STRADA: variants seen among roughly 807,000 people sequenced by gnomAD.
STRADA encodes STE20 related adaptor alpha.
Under a neutral mutation model 55.0 loss-of-function variants are expected in STRADA, and 26 were observed. That is an observed-to-expected ratio of 0.47 (90% CI 0.35 to 0.66). The LOEUF (loss-of-function observed/expected upper bound fraction) is 0.66. STRADA is among the 30% of genes least tolerant of loss of function. The pLI, the probability that STRADA is intolerant of heterozygous loss-of-function variation, is 0.01. For missense variants in STRADA, 443 were observed against 549.7 expected (o/e 0.81, Z 1.94); for synonymous variants, 197 against 210.9 (o/e 0.93, Z 0.57).
intron 1 of STRADA, among the ~76,000 whole-genome samples, chr17:63,739,707 CATAT>C (rs1175744955): frequency 3.4e-5 from 5 of 146,584 alleles, no homozygotes; most frequent in Admixed American, 6.8e-5. Context: ...AATATGTATA[CATAT>C]ATAATTTTAT....
At chr17:63,738,410 G>A (rs570469412) in intron 1 of STRADA, among the ~76,000 whole-genome samples, 3 of 152,058 alleles carry the variant, frequency 2.0e-5, no homozygotes, top group Non-Finnish European at 4.4e-5. Flanking sequence ...CAGTGAGGAG[G>A]GGGTGGTGTG....
intron 1 of STRADA, among the ~76,000 whole-genome samples, chr17:63,740,138 A>ACC (rs1372035210): frequency 2.5e-5 from 1 of 40,106 alleles, no homozygotes; most frequent in Admixed American, 3.2e-4. Flanking sequence ...ACACATACAT[A>ACC]TATATATATA....
rs1342597149 is a variant in STRADA at position 63,703,725 on chromosome 17, C to T, written c.1170G>A (p.Leu390=). 3.1e-6 allele frequency: 5 copies of T among 1,614,028 alleles called. No individual in the cohort carries two copies. Among genetic ancestry groups the T allele is most frequent in the African/African-American group, 2.7e-5 (2 of 74,924 alleles). ...KQIKRRASEA[L]PELLRPVTPI... ...GGGTGACAGGACGAAGCAATTCGGGCAAAGCCTCTGAGGCACGTCGCTTGA... is the reference window on the plus strand; with the variant it reads ...GGGTGACAGGACGAAGCAATTCGGGTAAAGCCTCTGAGGCACGTCGCTTGA... The change falls in exon 13 of 13, where the codon TTG becomes TTA. Residue 390 remains leucine, a synonymous_variant. Coordinates refer to ENST00000336174, the MANE Select transcript of STRADA (RefSeq NM_001003787.4).
intron 4 of STRADA, among the ~76,000 whole-genome samples, chr17:63,722,426 G>C (rs975472889): frequency 1.3e-5 from 2 of 152,152 alleles, no homozygotes; most frequent in Admixed American, 1.3e-4. Flanking sequence ...TATGTAATTG[G>C]CATCGTATTC....
At chr17:63,727,696 C>A (rs1455088406) in intron 2 of STRADA, 1 of 152,008 alleles carries the variant, frequency 6.6e-6, no homozygotes, top group Non-Finnish European at 1.5e-5. Context: ...ATAAATTATG[C>A]TTTAATATGT....
intron 8 of STRADA, 131 bp from the exon 9 acceptor site, chr17:63,707,549 A>G (rs752300216): frequency 1.6e-4 from 123 of 793,520 alleles, no homozygotes; most frequent in Non-Finnish European, 1.6e-4. Flanking sequence ...TGTATTTTAC[A>G]TATACATAAC....
intron 1 of STRADA, among the ~76,000 whole-genome samples, chr17:63,738,397 A>G (rs1442714902): frequency 6.6e-6 from 1 of 151,472 alleles, no homozygotes; most frequent in African/African-American, 2.4e-5. Context: ...AAAAGTTGGG[A>G]GGCAGTGAGG....
At chr17:63,739,801 A>ATATG (rs970288302) in intron 1 of STRADA, among the ~76,000 whole-genome samples, 14 of 32,110 alleles carry the variant, frequency 4.4e-4, no homozygotes, top group African/African-American at 7.1e-4. Flanking sequence ...GTACATAATT[A>ATATG]TATGTATATA....
chr17:63,708,385 A>C (rs2036261717), intron 8 of STRADA, among the ~76,000 whole-genome samples: 3 of 151,700 alleles, frequency 2.0e-5, no homozygotes, highest in African/African-American at 7.3e-5. Flanking sequence ...TTTTTAGTAG[A>C]GACAGGGTTT....
chr17:63,703,927 G>A (rs2035883483), intron 12 of STRADA, 78 bp downstream of exon 12: 4 of 1,608,288 alleles, frequency 2.5e-6, no homozygotes, highest in Non-Finnish European at 3.4e-6. Flanking sequence ...TTCAAAGGGA[G>A]GGGAGAGAAA....
intron 1 of STRADA, among the ~76,000 whole-genome samples, chr17:63,740,155 C>CATCTATATAT (rs761800599): frequency 9.0e-6 from 1 of 111,410 alleles, no homozygotes; most frequent in Admixed American, 9.3e-5. Context: ...TATACACACA[C>CATCTATATAT]ACACACACAC....
chr17:63,709,469 C>T (rs967555523), intron 8 of STRADA, among the ~76,000 whole-genome samples: 5 of 152,074 alleles, frequency 3.3e-5, no homozygotes, highest in Admixed American at 3.3e-4. Context: ...GCAAGATTTC[C>T]CTGTTACTAA....
rs2035852244 is a variant in STRADA, at chr17:63,703,475, T to C, written c.*124A>G. ...TTTCCCAATCAGTCAGCAGTCAACT[T>C]TCCTGGAAGAATGTCCTTTCTACCC... On this transcript the variant is annotated 3_prime_UTR_variant, in exon 13 of 13. Coordinates refer to ENST00000336174, the MANE Select transcript of STRADA (RefSeq NM_001003787.4). 1 of 949,716 alleles carries C rather than the reference T, an allele frequency of 1.1e-6. No homozygotes were observed. Among genetic ancestry groups the C allele is most frequent in the East Asian group, 2.7e-5 (1 of 37,636 alleles). The allele number at this position is 949,716 out of a possible 1,614,324, so 58.8% of individuals were successfully genotyped here.
chr17:63,712,262 C>G (rs1568186692), intron 6 of STRADA, among the ~76,000 whole-genome samples: 1 of 152,160 alleles, frequency 6.6e-6, no homozygotes, highest in Non-Finnish European at 1.5e-5. Context: ...CTCAGTCTGT[C>G]ACCCAGGCTG....
At chr17:63,703,917 T>C in intron 12 of STRADA, 88 bp downstream of exon 12, 1 of 1,607,204 alleles carries the variant, frequency 6.2e-7, no homozygotes, top group African/African-American at 1.3e-5. Flanking sequence ...GTTTCTCTCA[T>C]TCAAAGGGAG....
chr17:63,706,583 C>A, intron 10 of STRADA, 52 bp downstream of exon 10: 1 of 1,333,524 alleles, frequency 7.5e-7, no homozygotes, highest in South Asian at 1.2e-5. Flanking sequence ...ACTCAACGAA[C>A]ATCTGTGGAA....
At position 63,703,526 on chromosome 17, in the gene STRADA, G is replaced by C. The variant is rs2035854167; in HGVS notation, c.*73C>G. 5 of 1,422,046 alleles carry C rather than the reference G, an allele frequency of 3.5e-6. No individual in the cohort carries two copies. The highest frequency in any genetic ancestry group is 4.8e-6 in the Non-Finnish European group (5 of 1,041,554). The allele number at this position is 1,422,046 out of a possible 1,614,324, so 88.1% of individuals were successfully genotyped here. On this transcript the variant is annotated 3_prime_UTR_variant, in exon 13 of 13. Coordinates refer to ENST00000336174, the MANE Select transcript of STRADA (RefSeq NM_001003787.4). ...AATCTGCCCAGGAGGGCGGGAATGT[G>C]GCCGGCCCTCAGGAAGGGCCTCTGG...
intron 4 of STRADA, chr17:63,717,263 C>A (rs138868392): frequency 6.6e-6 from 1 of 152,272 alleles, no homozygotes; most frequent in East Asian, 1.9e-4. Flanking sequence ...TCTGTGTTTT[C>A]TAATGCTCTC....
chr17:63,707,415 A>G lies in STRADA; in HGVS notation c.585T>C (p.Ser195=), dbSNP rs2036172861. ...AGATCAGGATGTGGCTGGCTTTGAC[A>G]CTCCTGGGGAAGCGGGGAGGGTGTC... ...YIHHMGYVHR[S]VKASHILISV... The change falls in exon 9 of 13, where the codon AGT becomes AGC. Residue 195 remains serine (S), a synonymous_variant. Transcript: ENST00000336174. The G allele has an allele frequency of 6.2e-7, 1 of 1,611,480 alleles. No homozygotes were observed. The highest frequency in any genetic ancestry group is 1.7e-5 in the Admixed American group (1 of 59,920).
Sources: gnomAD v4.1 joint callset for allele counts (sites outside exome capture counted in the v4.1 genomes callset) on GRCh38, gnomAD v4.1.1 for gene constraint, MANE v1.5 for transcripts, NCBI Gene and HGNC (gene_info 2026-07-23, HGNC 2026-07-21) for gene names.